SPTLC3: variants seen among roughly 807,000 people sequenced by gnomAD.
The protein encoded by SPTLC3 is serine palmitoyltransferase long chain base subunit 3.
SPTLC3 carries 36 observed loss-of-function variants against 59.3 expected under a neutral mutation model. The observed-to-expected ratio is 0.61, with a 90% CI of 0.47 to 0.80. The LOEUF (loss-of-function observed/expected upper bound fraction) is 0.80. Ranked by LOEUF, SPTLC3 falls within the 30% of genes least tolerant of loss-of-function variation. The pLI is 0.00. For synonymous variants in SPTLC3, 257 were observed against 240.8 expected, an observed-to-expected ratio of 1.07 and a Z score of -0.62; for missense variants, 625 against 685.1, an observed-to-expected ratio of 0.91 and a Z score of 0.98.
chr20:13,168,906 T>C lies in SPTLC3; in HGVS notation c.*4039T>C, dbSNP rs373676111. 2.6e-5 allele frequency: 4 copies of C among 152,096 alleles called. No homozygotes were observed. In the East Asian group the frequency reaches 5.8e-4, roughly 22 times the overall value. The allele number at this position is 152,096 out of a possible 1,614,324, so 9.4% of individuals were successfully genotyped here. On this transcript the variant is annotated 3_prime_UTR_variant, in exon 12 of 12. Coordinates refer to ENST00000399002, the MANE Select transcript of SPTLC3 (RefSeq NM_018327.4). ...TATTTTAAATATTTTTAGGTAATTATTGCGGGACATTGTCTTATGGTGTCC... is the reference window on the plus strand; with the variant it reads ...TATTTTAAATATTTTTAGGTAATTACTGCGGGACATTGTCTTATGGTGTCC...
Position 13,059,388 on chromosome 20 carries a change from G to A in SPTLC3, c.303+10258G>A, listed in dbSNP as rs113564642. ...CATCTTTAGTTTATCATGATCCTCAGGTGATACAGATACACATTAAAGTTT... is the reference window on the plus strand; with the variant it reads ...CATCTTTAGTTTATCATGATCCTCAAGTGATACAGATACACATTAAAGTTT... On this transcript the variant is annotated intron_variant, in intron 2 of 11. Coordinates refer to ENST00000399002, the MANE Select transcript of SPTLC3 (RefSeq NM_018327.4). Among the ~76,000 whole-genome samples, 63 of 152,210 alleles carry A rather than the reference G, an allele frequency of 4.1e-4. 2 individuals carry two copies. Among genetic ancestry groups the A allele is most frequent in the South Asian group, 3.3e-3 (16 of 4,814 alleles).
rs946093137 is a variant in SPTLC3, at chr20:13,080,518, A to C, written c.607+6021A>C. 1.5e-4 allele frequency among the ~76,000 whole-genome samples: 23 copies of C among 151,838 alleles called. 1 individual carries two copies. The highest frequency in any genetic ancestry group is 5.1e-4 in the African/African-American group (21 of 41,308). Reference sequence around the variant, plus strand: ...TGAAAATCCATCCATCTCCAAAAAAAAAACAGGCAAAACTGCACAGCCAGG... The same window carrying C: ...TGAAAATCCATCCATCTCCAAAAAACAAACAGGCAAAACTGCACAGCCAGG... On this transcript the variant is annotated intron_variant, in intron 4 of 11. Coordinates refer to ENST00000399002, the MANE Select transcript of SPTLC3 (RefSeq NM_018327.4).
At chr20:13,103,115 G>T (rs1989674171) in intron 6 of SPTLC3, among the ~76,000 whole-genome samples, 1 of 152,154 alleles carries the variant, frequency 6.6e-6, no homozygotes, top group Non-Finnish European at 1.5e-5. Flanking sequence ...TGCACAATCT[G>T]CTTTATAAAA....
intron 6 of SPTLC3, among the ~76,000 whole-genome samples, chr20:13,098,551 T>C (rs1294868064): frequency 6.6e-6 from 1 of 152,196 alleles, no homozygotes; most frequent in Non-Finnish European, 1.5e-5. Flanking sequence ...TTAAATTTTA[T>C]CTCCCAATTT....
chr20:13,148,247 CT>C (rs201391795), intron 9 of SPTLC3, among the ~76,000 whole-genome samples: 3,100 of 152,276 alleles, frequency 0.02, 52 homozygotes, highest in Non-Finnish European at 0.031. Context: ...TTTTCTTCCC[CT>C]GACCCAGCTG....
chr20:13,064,284 G>GTTTTTGT lies in SPTLC3; in HGVS notation c.304-7968_304-7967insTGTTTTT, dbSNP rs60450737. ...CTTTTTCCTTTTCTTTTTTTTTTTT[G>GTTTTTGT]TTTTGTTTTTGTTTTTGTTTTTGTT... On this transcript the variant is annotated intron_variant, in intron 2 of 11. Transcript: ENST00000399002. 5.1e-4 allele frequency among the ~76,000 whole-genome samples: 67 copies of GTTTTTGT among 132,518 alleles called. 1 individual carries two copies. Among genetic ancestry groups the GTTTTTGT allele is most frequent in the Middle Eastern group, 7.2e-3 (2 of 276 alleles). The allele number at this position is 132,518 out of a possible 152,430, so 86.9% of individuals were successfully genotyped here.
chr20:13,052,860 T>G (rs1022618601), intron 2 of SPTLC3, among the ~76,000 whole-genome samples: 2 of 152,142 alleles, frequency 1.3e-5, no homozygotes, highest in African/African-American at 4.8e-5. Flanking sequence ...TCTCTGGGCC[T>G]GGCATCTCGG....
At chr20:13,096,438 C>T (rs987812169) in intron 6 of SPTLC3, among the ~76,000 whole-genome samples, 15 of 145,002 alleles carry the variant, frequency 1.0e-4, no homozygotes, top group African/African-American at 3.8e-4. Context: ...AACACTACTC[C>T]ACAATTAAAA....
chr20:13,014,483 A>G (rs1985418972), intron 1 of SPTLC3, among the ~76,000 whole-genome samples: 1 of 152,198 alleles, frequency 6.6e-6, no homozygotes, highest in Non-Finnish European at 1.5e-5. Flanking sequence ...TTGGCCAATG[A>G]AAGATGAGTT....
chr20:13,052,060 G>A (rs1987514579), intron 2 of SPTLC3, among the ~76,000 whole-genome samples: 1 of 152,110 alleles, frequency 6.6e-6, no homozygotes, highest in Non-Finnish European at 1.5e-5. Flanking sequence ...GCAGAAGAAA[G>A]GAAATAACCA....
At chr20:13,068,884 A>G (rs3848767) in intron 2 of SPTLC3, among the ~76,000 whole-genome samples, 52,919 of 152,090 alleles carry the variant, frequency 0.35, 10,009 homozygotes, top group African/African-American at 0.51. Context: ...CCTGCAGAAT[A>G]TATTAGAATC....
chr20:13,032,989 G>A (rs1986567580), intron 1 of SPTLC3, among the ~76,000 whole-genome samples: 1 of 152,134 alleles, frequency 6.6e-6, no homozygotes, highest in South Asian at 2.1e-4. Context: ...GACTTCTGGG[G>A]TCAGTGAAGC....
At chr20:13,116,142 AC>A (rs1246353676) in intron 7 of SPTLC3, among the ~76,000 whole-genome samples, 197 of 152,158 alleles carry the variant, frequency 1.3e-3, no homozygotes, top group African/African-American at 4.4e-3. Flanking sequence ...CTCCAAACCA[AC>A]ACCCGTTGGT....
At chr20:13,136,871 G>A (rs2038259986) in intron 9 of SPTLC3, among the ~76,000 whole-genome samples, 1 of 151,636 alleles carries the variant, frequency 6.6e-6, no homozygotes, top group African/African-American at 2.4e-5. Context: ...TAGTTACTCT[G>A]TTACTATTAT....
intron 1 of SPTLC3, among the ~76,000 whole-genome samples, chr20:13,046,145 G>A (rs113469510): frequency 6.6e-5 from 10 of 152,224 alleles, no homozygotes; most frequent in African/African-American, 1.7e-4. Flanking sequence ...CTGTGGTACC[G>A]GAAAAAGCAC....
chr20:13,063,017 G>C (rs1310045754), intron 2 of SPTLC3, among the ~76,000 whole-genome samples: 1 of 152,176 alleles, frequency 6.6e-6, no homozygotes, highest in African/African-American at 2.4e-5. Flanking sequence ...TTTCAAAAAT[G>C]CTTGCCTAGA....
At chr20:13,055,322 C>G (rs974636701) in intron 2 of SPTLC3, among the ~76,000 whole-genome samples, 14 of 151,966 alleles carry the variant, frequency 9.2e-5, no homozygotes, top group African/African-American at 2.7e-4. Flanking sequence ...TTTCTCTGGT[C>G]CTAGTAGAGC....
At chr20:13,105,843 A>G (rs901355377) in intron 6 of SPTLC3, among the ~76,000 whole-genome samples, 3 of 152,222 alleles carry the variant, frequency 2.0e-5, no homozygotes, top group African/African-American at 7.2e-5. Context: ...AAGATGAATA[A>G]TAGTATAAAA....
intron 6 of SPTLC3, among the ~76,000 whole-genome samples, chr20:13,106,153 A>G (rs1989884102): frequency 6.6e-6 from 1 of 152,222 alleles, no homozygotes; most frequent in African/African-American, 2.4e-5. Context: ...AATATATTGC[A>G]GGTAGGAGAT....
Sources: gnomAD v4.1 joint callset for allele counts (sites outside exome capture counted in the v4.1 genomes callset) on GRCh38, gnomAD v4.1.1 for gene constraint, MANE v1.5 for transcripts, NCBI Gene and HGNC (gene_info 2026-07-23, HGNC 2026-07-21) for gene names.